EXOC4: variants seen among roughly 807,000 people sequenced by gnomAD.
EXOC4 encodes the protein SEC8-like 1.
In EXOC4, 71 loss-of-function variants were observed where a neutral mutation model predicts 107.2. The observed-to-expected ratio is 0.66, with a 90% CI of 0.55 to 0.81. The LOEUF (loss-of-function observed/expected upper bound fraction) is 0.81. Ranked by LOEUF, EXOC4 falls within the 30% of genes least tolerant of loss-of-function variation. The pLI is 0.00. For missense variants in EXOC4, 1,108 were observed against 1,189.6 expected (o/e 0.93, Z 1.01); for synonymous variants, 456 against 441.2 (o/e 1.03, Z -0.42).
At chr7:133,950,447 ATCT>A (rs987642786) in intron 14 of EXOC4, among the ~76,000 whole-genome samples, 4 of 149,004 alleles carry the variant, frequency 2.7e-5, no homozygotes, top group African/African-American at 1.0e-4. Flanking sequence ...ACAGCCACAC[ATCT>A]TCTGTCATTG....
At chr7:133,859,349 G>C (rs953966142) in intron 11 of EXOC4, among the ~76,000 whole-genome samples, 2 of 152,150 alleles carry the variant, frequency 1.3e-5, no homozygotes, top group Non-Finnish European at 2.9e-5. Flanking sequence ...ACCATCTAAA[G>C]ACGAATTATC....
intron 10 of EXOC4, among the ~76,000 whole-genome samples, chr7:133,786,767 C>T (rs1009184533): frequency 6.6e-6 from 1 of 152,232 alleles, no homozygotes; most frequent in African/African-American, 2.4e-5. Flanking sequence ...GATGATTTCA[C>T]CATCCTGGCT....
At chr7:133,926,731 A>G (rs780469663) in intron 13 of EXOC4, among the ~76,000 whole-genome samples, 1 of 152,220 alleles carries the variant, frequency 6.6e-6, no homozygotes, top group Non-Finnish European at 1.5e-5. Context: ...GTAGAGGGTG[A>G]TGCAGTCCTG....
At chr7:133,483,911 A>G in intron 9 of EXOC4, 2 of 928,094 alleles carry the variant, frequency 2.2e-6, no homozygotes, top group South Asian at 2.7e-5. Context: ...GAAAAGGCAT[A>G]ATTGAATAGT....
chr7:133,971,361 T>TATATATATAGAGAGAGAG (rs1489958236), intron 14 of EXOC4, among the ~76,000 whole-genome samples: 1 of 75,074 alleles, frequency 1.3e-5, no homozygotes, highest in African/African-American at 6.0e-5. Context: ...TATATATATA[T>TATATATATAGAGAGAGAG]AGAGAGAGAG....
At chr7:133,438,481 A>G (rs151170406) in intron 7 of EXOC4, among the ~76,000 whole-genome samples, 1 of 152,040 alleles carries the variant, frequency 6.6e-6, no homozygotes, top group Non-Finnish European at 1.5e-5. Context: ...GTTGCCTCCA[A>G]TGGGGGTTGT....
intron 7 of EXOC4, among the ~76,000 whole-genome samples, chr7:133,451,054 T>C (rs982327551): frequency 1.3e-5 from 2 of 152,220 alleles, no homozygotes; most frequent in Non-Finnish European, 2.9e-5. Flanking sequence ...GGAAAGGCTT[T>C]TTGTACCTAC....
intron 14 of EXOC4, among the ~76,000 whole-genome samples, chr7:133,971,361 T>TATATATATATATATATATATATATATAG (rs1489958236): frequency 1.3e-5 from 1 of 75,090 alleles, no homozygotes; most frequent in Non-Finnish European, 2.4e-5. Context: ...TATATATATA[T>TATATATATATATATATATATATATATAG]AGAGAGAGAG....
At chr7:134,049,447 G>A (rs1385425398) in intron 17 of EXOC4, among the ~76,000 whole-genome samples, 2 of 152,084 alleles carry the variant, frequency 1.3e-5, no homozygotes, top group Non-Finnish European at 2.9e-5. Flanking sequence ...ACCACTTGTC[G>A]TTTTCCCCAA....
At chr7:133,952,398 C>G (rs1585273415) in intron 14 of EXOC4, among the ~76,000 whole-genome samples, 1 of 152,132 alleles carries the variant, frequency 6.6e-6, no homozygotes, top group Non-Finnish European at 1.5e-5. Context: ...AGCTGCTTAC[C>G]CCTTCTCTGC....
Position 133,736,915 on chromosome 7 carries a change from G to A in EXOC4, c.1515-80410G>A, listed in dbSNP as rs368683586. Among the ~76,000 whole-genome samples the A allele has an allele frequency of 9.9e-5, 15 of 152,268 alleles. No individual in the cohort carries two copies. The East Asian group carries it at 2.7e-3, about 27-fold the overall frequency. On this transcript the variant is annotated intron_variant, in intron 10 of 17. Transcript: ENST00000253861. ...ATCATTGGCATTCTTGTCCAAAGAA[G>A]AACCTATTGTCTTGCTGAAATTGTT...
chr7:133,370,089 G>GC (rs1265724059), intron 6 of EXOC4, among the ~76,000 whole-genome samples: 1 of 151,874 alleles, frequency 6.6e-6, no homozygotes, highest in East Asian at 1.9e-4. Flanking sequence ...ACTGTGCCTG[G>GC]CCTCCTTCCA....
chr7:133,341,072 G>A (rs1355907681), intron 5 of EXOC4, among the ~76,000 whole-genome samples: 1 of 151,988 alleles, frequency 6.6e-6, no homozygotes, highest in Non-Finnish European at 1.5e-5. Context: ...CTGCAGCTGG[G>A]TTTGGGTTTG....
At chr7:133,500,132 A>G (rs1051404058) in intron 9 of EXOC4, among the ~76,000 whole-genome samples, 2 of 152,120 alleles carry the variant, frequency 1.3e-5, no homozygotes, top group African/African-American at 2.4e-5. Flanking sequence ...TGGCTTGTGT[A>G]TTTTCCACTT....
intron 11 of EXOC4, among the ~76,000 whole-genome samples, chr7:133,878,672 TG>T (rs1798900151): frequency 6.6e-6 from 1 of 152,156 alleles, no homozygotes; most frequent in African/African-American, 2.4e-5. Flanking sequence ...TGACCCTATG[TG>T]GATGTTCATT....
intron 12 of EXOC4, among the ~76,000 whole-genome samples, chr7:133,915,065 T>C (rs1799775829): frequency 6.6e-6 from 1 of 152,120 alleles, no homozygotes; most frequent in Admixed American, 6.6e-5. Flanking sequence ...ATATAATAAC[T>C]GCAAATTTTT....
intron 9 of EXOC4, among the ~76,000 whole-genome samples, chr7:133,510,066 A>G (rs910111155): frequency 6.6e-6 from 1 of 152,208 alleles, no homozygotes; most frequent in African/African-American, 2.4e-5. Context: ...GTTTACAAAC[A>G]TTACCGTGAT....
the EXOC4 span, among the ~76,000 whole-genome samples, chr7:134,082,877 A>G: frequency 3.3e-5 from 5 of 152,166 alleles, no homozygotes; most frequent in African/African-American, 1.2e-4. Flanking sequence ...TCCAGCTCCT[A>G]TTCAAGATGG....
Position 134,064,695 on chromosome 7 carries a change from A to G in EXOC4, c.*167A>G. 1 of 482,192 alleles carries G rather than the reference A, an allele frequency of 2.1e-6. No individual in the cohort carries two copies. The highest frequency in any genetic ancestry group is 3.6e-6 in the Non-Finnish European group (1 of 274,534). 29.9% of individuals were successfully genotyped at this position (482,192 alleles called of 1,614,324 possible). On this transcript the variant is annotated 3_prime_UTR_variant, in exon 18 of 18. Coordinates refer to ENST00000253861, the MANE Select transcript of EXOC4 (RefSeq NM_021807.4). ...GGTTTTGGCTTTTCATATAAATGCT[A>G]AAGGAAGGCGACAGTACAGAGTGTT...
Sources: gnomAD v4.1 joint callset for allele counts (sites outside exome capture counted in the v4.1 genomes callset) on GRCh38, gnomAD v4.1.1 for gene constraint, MANE v1.5 for transcripts, NCBI Gene and HGNC (gene_info 2026-07-23, HGNC 2026-07-21) for gene names.